RANBP17: variants seen among roughly 807,000 people sequenced by gnomAD.
RANBP17 encodes ran-binding protein 17.
A neutral mutation model predicts 141.2 loss-of-function variants in RANBP17; 158 were observed. The ratio of observed to expected loss-of-function variants is 1.12; its 90% CI spans 0.98 to 1.28. The LOEUF is 1.28. Ranked by LOEUF, RANBP17 falls within the 50% of genes most tolerant of loss-of-function variation. The probability of loss-of-function intolerance (pLI) is 0.00; values close to 1 mark genes in which losing one functional copy is unlikely to be tolerated. For missense variants in RANBP17, 1,438 were observed against 1,290.7 expected (o/e 1.11, Z -1.75); for synonymous variants, 430 against 450.0 (o/e 0.96, Z 0.56).
intron 24 of RANBP17, chr5:171,251,879 T>G: frequency 2.0e-6 from 3 of 1,491,660 alleles, no homozygotes; most frequent in Non-Finnish European, 2.8e-6. Context: ...GCTTCGGCAT[T>G]AGAGAAGGAG....
chr5:170,878,953 G>A (rs1581035373), intron 2 of RANBP17, among the ~76,000 whole-genome samples: 1 of 152,190 alleles, frequency 6.6e-6, no homozygotes, highest in East Asian at 1.9e-4. Flanking sequence ...TTTCTACAAA[G>A]TTTTATTGAT....
chr5:171,103,856 G>T (rs1042751717), intron 14 of RANBP17, among the ~76,000 whole-genome samples: 1 of 152,170 alleles, frequency 6.6e-6, no homozygotes, highest in Non-Finnish European at 1.5e-5. Flanking sequence ...GGCGACGGAG[G>T]TCCCCAACCC....
chr5:171,159,420 T>C (rs77197942), intron 14 of RANBP17, among the ~76,000 whole-genome samples: 1,995 of 152,330 alleles, frequency 0.013, 28 homozygotes, highest in Non-Finnish European at 0.019. Flanking sequence ...AGATCCTTGA[T>C]ATTTTATGTC....
rs541037012 is a variant in RANBP17, at chr5:170,981,842, T to C, written c.1710+13465T>C. On this transcript the variant is annotated intron_variant, in intron 14 of 27. Transcript: ENST00000523189. Reference sequence around the variant, plus strand: ...TCCTGCAGTGAAGAAAGCTAGTAGTTAGGTGATTTGCACTAAGAACCCTGG... The same window carrying C: ...TCCTGCAGTGAAGAAAGCTAGTAGTCAGGTGATTTGCACTAAGAACCCTGG... Among the ~76,000 whole-genome samples the C allele has an allele frequency of 2.0e-5, 3 of 152,244 alleles. No homozygotes were observed. The South Asian group carries it at 6.2e-4, about 32-fold the overall frequency.
intron 14 of RANBP17, among the ~76,000 whole-genome samples, chr5:171,124,081 G>A (rs1756247439): frequency 6.6e-6 from 1 of 151,802 alleles, no homozygotes; most frequent in African/African-American, 2.4e-5. Flanking sequence ...ATAATGATAA[G>A]ATACAAGAAA....
chr5:170,992,724 A>C (rs1778585901), intron 14 of RANBP17, among the ~76,000 whole-genome samples: 1 of 152,044 alleles, frequency 6.6e-6, no homozygotes, highest in South Asian at 2.1e-4. Flanking sequence ...AGAGTGGGAG[A>C]GAATGTCAGA....
chr5:171,035,791 T>A (rs569788504), intron 14 of RANBP17, among the ~76,000 whole-genome samples: 50 of 150,668 alleles, frequency 3.3e-4, no homozygotes, highest in Non-Finnish European at 5.2e-4. Flanking sequence ...ATTCAGGATA[T>A]GTGTGCAGGT....
intron 18 of RANBP17, among the ~76,000 whole-genome samples, chr5:171,184,537 C>G (rs947594315): frequency 3.3e-5 from 5 of 149,588 alleles, no homozygotes; most frequent in Admixed American, 6.7e-5. Flanking sequence ...AATAAGAGAT[C>G]TGTTGTACGT....
rs760147461 is a variant in RANBP17 at position 171,293,955 on chromosome 5, C to G, written c.3016C>G (p.Leu1006Val). 3 of 1,613,764 alleles carry G rather than the reference C, an allele frequency of 1.9e-6. No individual in the cohort carries two copies. In the South Asian group the frequency reaches 3.3e-5, roughly 18 times the overall value. Residue 1006 changes from leucine (L) to valine (V), a missense_variant, in exon 26 of 28, where the codon CTG becomes GTG. Leu to Val is a conservative substitution (Grantham distance 32). Transcript: ENST00000523189. ...RNQWSVSRPL[L>V]GLILLNEKYF... Reference sequence around the variant, plus strand: ...CCAGTGGTCAGTATCCAGGCCTCTCCTGGGGCTCATCCTGCTCAATGAGAA... The same window carrying G: ...CCAGTGGTCAGTATCCAGGCCTCTCGTGGGGCTCATCCTGCTCAATGAGAA...
intron 25 of RANBP17, among the ~76,000 whole-genome samples, chr5:171,288,455 T>C (rs1442443686): frequency 2.0e-5 from 3 of 152,208 alleles, no homozygotes; most frequent in Non-Finnish European, 4.4e-5. Context: ...CCTCAGCCAC[T>C]ATGCTGGTGG....
intron 26 of RANBP17, among the ~76,000 whole-genome samples, chr5:171,294,470 C>T (rs1768696612): frequency 1.3e-5 from 2 of 152,172 alleles, no homozygotes; most frequent in Non-Finnish European, 2.9e-5. Flanking sequence ...TCCCAAGCCT[C>T]TCCAGCTTCC....
intron 14 of RANBP17, among the ~76,000 whole-genome samples, chr5:171,135,279 C>CAAA (rs200094154): frequency 3.6e-5 from 2 of 55,912 alleles, no homozygotes; most frequent in Admixed American, 1.9e-4. Context: ...GACTCCATCT[C>CAAA]AAAAAAAAAA....
chr5:171,270,895 C>A (rs535002458), intron 25 of RANBP17, among the ~76,000 whole-genome samples: 1 of 151,910 alleles, frequency 6.6e-6, no homozygotes, highest in Non-Finnish European at 1.5e-5. Flanking sequence ...TAGCAATTAT[C>A]GTCTTGAAAA....
intron 18 of RANBP17, among the ~76,000 whole-genome samples, chr5:171,191,657 A>C (rs1174769161): frequency 6.6e-6 from 1 of 151,982 alleles, no homozygotes; most frequent in Non-Finnish European, 1.5e-5. Context: ...ACTGCACTCC[A>C]ACCTGGGCAA....
chr5:170,982,410 A>T (rs745398214), intron 14 of RANBP17, among the ~76,000 whole-genome samples: 5 of 152,204 alleles, frequency 3.3e-5, no homozygotes, highest in Non-Finnish European at 7.4e-5. Context: ...CCAAAGAGAA[A>T]AACAGAAAAT....
chr5:171,245,635 G>T (rs1561796585), intron 24 of RANBP17, among the ~76,000 whole-genome samples: 1 of 152,028 alleles, frequency 6.6e-6, no homozygotes, highest in Non-Finnish European at 1.5e-5. Flanking sequence ...TTTTAATGTG[G>T]ATTTTATTCT....
chr5:170,933,910 T>A (rs1193131100), intron 12 of RANBP17, among the ~76,000 whole-genome samples: 5 of 152,186 alleles, frequency 3.3e-5, no homozygotes, highest in African/African-American at 1.2e-4. Context: ...GGTGGAGCGT[T>A]CTGTAGATGT....
chr5:170,983,806 G>A (rs1777932968), intron 14 of RANBP17, among the ~76,000 whole-genome samples: 1 of 152,180 alleles, frequency 6.6e-6, no homozygotes, highest in Admixed American at 6.5e-5. Flanking sequence ...ACAGGGGACA[G>A]TGTATTTAAC....
At chr5:171,035,192 A>G (rs1340665079) in intron 14 of RANBP17, among the ~76,000 whole-genome samples, 1 of 152,198 alleles carries the variant, frequency 6.6e-6, no homozygotes, top group Non-Finnish European at 1.5e-5. Flanking sequence ...GGACAAGCCA[A>G]GATATTTATC....
Sources: allele counts gnomAD v4.1 joint callset (sites outside exome capture counted in the v4.1 genomes callset), GRCh38; gene constraint gnomAD v4.1.1; transcripts MANE v1.5; gene names NCBI Gene and HGNC (gene_info 2026-07-23, HGNC 2026-07-21).